The following SH3D19 variants were observed in gnomAD, a reference collection of about 807,000 sequenced individuals.
SH3D19 encodes the protein SH3 domain-containing protein 19.
Under a neutral mutation model 112.1 loss-of-function variants are expected in SH3D19, and 58 were observed. That is an observed-to-expected ratio of 0.52 (90% CI 0.42 to 0.64). The LOEUF is 0.64. SH3D19 is among the 30% of genes least tolerant of loss of function. The pLI, the probability that SH3D19 is intolerant of heterozygous loss-of-function variation, is 0.00. For synonymous variants in SH3D19, 391 were observed against 448.5 expected (o/e 0.87, Z 1.62); for missense variants, 1,090 against 1,263.4 (o/e 0.86, Z 2.08).
At chr4:151,269,806 A>G (rs772934571) in intron 1 of SH3D19, among the ~76,000 whole-genome samples, 1 of 151,360 alleles carries the variant, frequency 6.6e-6, no homozygotes, top group East Asian at 1.9e-4. Context: ...CTTTTTAAAA[A>G]TTTTTTATTT....
chr4:151,212,965 T>C (rs188391732), intron 2 of SH3D19, among the ~76,000 whole-genome samples: 10 of 152,258 alleles, frequency 6.6e-5, no homozygotes, highest in Middle Eastern at 6.8e-3. Flanking sequence ...ATGGATGACT[T>C]TGAGGGGTTC....
At chr4:151,280,061 G>A in intron 1 of SH3D19, 1 of 1,354,816 alleles carries the variant, frequency 7.4e-7, no homozygotes, top group Non-Finnish European at 1.0e-6. Flanking sequence ...AAATAGGCAG[G>A]GCGGAAGGAA....
intron 1 of SH3D19, among the ~76,000 whole-genome samples, chr4:151,313,610 G>T (rs1179037018): frequency 6.6e-6 from 1 of 152,066 alleles, no homozygotes; most frequent in African/African-American, 2.4e-5. Flanking sequence ...TAAAGTCGGG[G>T]TCTTGCTTTG....
Position 151,122,059 on chromosome 4 carries a change from C to A in SH3D19, c.*32G>T. 8.9e-7 allele frequency: 1 copy of A among 1,117,538 alleles called. No individual in the cohort carries two copies. The highest frequency in any genetic ancestry group is 1.3e-5 in the South Asian group (1 of 76,718). The allele number at this position is 1,117,538 out of a possible 1,614,324, so 69.2% of individuals were successfully genotyped here. ...GTCAAGGTGATAGTTCAAGTGAGTT[C>A]TTGTGCCAAGGAACACAGACAAGCT... On this transcript the variant is annotated 3_prime_UTR_variant, in exon 20 of 20. Transcript: ENST00000604030.
Position 151,323,527 on chromosome 4 carries a change from A to C in SH3D19, c.112+1714T>G, listed in dbSNP as rs1301997604. ...TAAACTATTAAATAATTTCTTCTAAAAGAAATAAATCCAAAAATCGCAAGT... is the reference window on the plus strand; with the variant it reads ...TAAACTATTAAATAATTTCTTCTAACAGAAATAAATCCAAAAATCGCAAGT... On this transcript the variant is annotated intron_variant, in intron 1 of 19. Coordinates refer to ENST00000604030, the MANE Select transcript of SH3D19 (RefSeq NM_001378122.1). 2.0e-5 allele frequency among the ~76,000 whole-genome samples: 3 copies of C among 152,344 alleles called. No individual in the cohort carries two copies. In the South Asian group the frequency reaches 6.2e-4, roughly 32 times the overall value.
chr4:151,154,325 G>T (rs1192319975), intron 9 of SH3D19, among the ~76,000 whole-genome samples: 1 of 150,648 alleles, frequency 6.6e-6, no homozygotes, highest in Non-Finnish European at 1.5e-5. Context: ...GTAGAGATGG[G>T]GTTTCTCCAT....
chr4:151,278,555 C>A (rs950800282), intron 1 of SH3D19, among the ~76,000 whole-genome samples: 1 of 152,114 alleles, frequency 6.6e-6, no homozygotes, highest in African/African-American at 2.4e-5. Flanking sequence ...TACTTCTGTG[C>A]CTTATCTCTG....
intron 19 of SH3D19, among the ~76,000 whole-genome samples, chr4:151,122,815 A>C (rs966875721): frequency 4.0e-5 from 6 of 150,770 alleles, no homozygotes; most frequent in Non-Finnish European, 8.8e-5. Flanking sequence ...AAAGTCCTAG[A>C]GATGAGTACT....
intron 1 of SH3D19, among the ~76,000 whole-genome samples, chr4:151,303,299 CAA>C (rs1561446691): frequency 3.3e-5 from 5 of 152,160 alleles, no homozygotes; most frequent in Non-Finnish European, 5.9e-5. Context: ...AGAGGAAACA[CAA>C]TTATACACTC....
At chr4:151,286,875 G>T (rs1278069916) in intron 1 of SH3D19, among the ~76,000 whole-genome samples, 1 of 151,754 alleles carries the variant, frequency 6.6e-6, no homozygotes, top group Non-Finnish European at 1.5e-5. Context: ...AGCTACTCGG[G>T]AGGCTGAGGC....
intron 1 of SH3D19, among the ~76,000 whole-genome samples, chr4:151,282,635 G>A (rs1286922961): frequency 6.6e-6 from 1 of 152,128 alleles, no homozygotes; most frequent in Non-Finnish European, 1.5e-5. Context: ...AGCTGGAAGA[G>A]CAGATACTAA....
intron 1 of SH3D19, among the ~76,000 whole-genome samples, chr4:151,287,341 CA>C (rs34944826): frequency 0.7 from 57,557 of 82,406 alleles, 18,213 homozygotes; most frequent in Middle Eastern, 0.77. Flanking sequence ...ACTCTGTCTC[CA>C]AAAAAAAAAA....
At position 151,215,687 on chromosome 4, in the gene SH3D19, G is replaced by C. The variant is rs370611829; in HGVS notation, c.152+10360C>G. ...ATGGCCTACAACTAAAATGAGATTA[G>C]AAGTGGCAAAAACTTATCATGAGGG... On this transcript the variant is annotated intron_variant, in intron 2 of 19. Coordinates refer to ENST00000604030, the MANE Select transcript of SH3D19 (RefSeq NM_001378122.1). Among the ~76,000 whole-genome samples the C allele has an allele frequency of 9.8e-5, 15 of 152,322 alleles. 1 individual carries two copies. Among genetic ancestry groups the C allele is most frequent in the African/African-American group, 3.6e-4 (15 of 41,560 alleles).
intron 2 of SH3D19, among the ~76,000 whole-genome samples, chr4:151,209,525 C>T (rs1042568826): frequency 2.6e-5 from 4 of 152,132 alleles, no homozygotes; most frequent in African/African-American, 9.7e-5. Context: ...AGTGATCTGC[C>T]CACCTCGGCC....
chr4:151,232,218 T>C (rs1294856692), intron 1 of SH3D19, among the ~76,000 whole-genome samples: 7 of 152,204 alleles, frequency 4.6e-5, no homozygotes, highest in African/African-American at 7.2e-5. Context: ...AGAAGCAGAC[T>C]ATCTCTGGAA....
chr4:151,125,292 C>A (rs2149719754), intron 19 of SH3D19, among the ~76,000 whole-genome samples: 1 of 151,960 alleles, frequency 6.6e-6, no homozygotes, highest in South Asian at 2.1e-4. Flanking sequence ...GAGACCCAGT[C>A]TCTACAAAGA....
intron 2 of SH3D19, among the ~76,000 whole-genome samples, chr4:151,214,812 TGAC>T (rs1766752729): frequency 1.0e-5 from 1 of 100,250 alleles, no homozygotes; most frequent in Non-Finnish European, 2.4e-5. Context: ...TGGCGGGGGC[TGAC>T]CCCCACCTCC....
chr4:151,278,163 T>G (rs1773831823), intron 1 of SH3D19, among the ~76,000 whole-genome samples: 1 of 152,222 alleles, frequency 6.6e-6, no homozygotes, highest in Non-Finnish European at 1.5e-5. Context: ...GTAAACAGCT[T>G]GCAACCTCAA....
intron 11 of SH3D19, among the ~76,000 whole-genome samples, chr4:151,144,879 T>C (rs2149769278): frequency 6.6e-6 from 1 of 152,294 alleles, no homozygotes; most frequent in African/African-American, 2.4e-5. Context: ...GTTCCCTGCT[T>C]TGGAAAATTT....
Sources: gnomAD v4.1 joint callset for allele counts (sites outside exome capture counted in the v4.1 genomes callset) on GRCh38, gnomAD v4.1.1 for gene constraint, MANE v1.5 for transcripts, NCBI Gene and HGNC (gene_info 2026-07-23, HGNC 2026-07-21) for gene names.